The following CDCP2 variants were observed in gnomAD, a reference collection of about 807,000 sequenced individuals.
The protein encoded by CDCP2 is CUB domain containing protein 2.
Under a neutral mutation model 31.0 loss-of-function variants are expected in CDCP2, and 31 were observed. The ratio of observed to expected loss-of-function variants is 1.00; its 90% CI spans 0.75 to 1.35. The LOEUF (loss-of-function observed/expected upper bound fraction) is 1.35. Ranked by LOEUF, CDCP2 falls within the 40% of genes most tolerant of loss-of-function variation. CDCP2 has a pLI of 0.00. For synonymous variants in CDCP2, 206 were observed against 207.9 expected (o/e 0.99, Z 0.08); for missense variants, 443 against 482.6 (o/e 0.92, Z 0.77).
intron 4 of CDCP2, chr1:54,139,431 C>G (rs1186861061): frequency 3.8e-6 from 4 of 1,049,662 alleles, no homozygotes; most frequent in Non-Finnish European, 5.5e-6. Context: ...TGTCTATTTC[C>G]CCTGGATACA....
chr1:54,146,440 G>GAA (rs1429176025), intron 1 of CDCP2, among the ~76,000 whole-genome samples: 1 of 151,766 alleles, frequency 6.6e-6, no homozygotes, highest in African/African-American at 2.4e-5. Flanking sequence ...TTGGCCTCCC[G>GAA]AAGTGCTGGG....
intron 1 of CDCP2, among the ~76,000 whole-genome samples, chr1:54,150,955 G>C (rs1659573671): frequency 6.6e-6 from 1 of 152,316 alleles, no homozygotes; most frequent in East Asian, 1.9e-4. Flanking sequence ...AGTGGGCCAG[G>C]GGGAGTCAGG....
chr1:54,141,423 G>A (rs565290091), exon 3 of CDCP2: 14 of 1,603,918 alleles, frequency 8.7e-6, no homozygotes, highest in African/African-American at 2.7e-5. Flanking sequence ...TCAGGACGCC[G>A]CCACACACAT....
At chr1:54,134,673 G>A (rs1659226967) in intron 5 of CDCP2, among the ~76,000 whole-genome samples, 1 of 152,190 alleles carries the variant, frequency 6.6e-6, no homozygotes, top group African/African-American at 2.4e-5. Context: ...ACCCTTTTGG[G>A]GAAGGGTTGA....
chr1:54,137,648 C>T (rs1487386334), intron 4 of CDCP2: 1 of 64,840 alleles, frequency 1.5e-5, no homozygotes, highest in Non-Finnish European at 3.3e-5. Flanking sequence ...CTCAAAATGT[C>T]TGCTTTGGGT....
chr1:54,149,651 T>C (rs1398937878), intron 1 of CDCP2, among the ~76,000 whole-genome samples: 1 of 152,216 alleles, frequency 6.6e-6, no homozygotes, highest in Non-Finnish European at 1.5e-5. Context: ...GCTATATGCT[T>C]CTCCATAGAA....
chr1:54,148,921 T>C (rs370495568), intron 1 of CDCP2, among the ~76,000 whole-genome samples: 5 of 149,424 alleles, frequency 3.3e-5, no homozygotes, highest in East Asian at 3.9e-4. Flanking sequence ...CCAAATGCAA[T>C]GTATGGACCT....
chr1:54,148,266 C>T (rs897743897), intron 1 of CDCP2, among the ~76,000 whole-genome samples: 2 of 147,502 alleles, frequency 1.4e-5, no homozygotes, highest in Non-Finnish European at 3.0e-5. Flanking sequence ...AGCCAGGTGT[C>T]CTCAGCACTT....
chr1:54,151,114 G>T lies in CDCP2; in HGVS notation c.79+1730C>A, dbSNP rs9970100. On this transcript the variant is annotated intron_variant, in intron 1 of 5. Coordinates refer to ENST00000530059, the Ensembl canonical transcript of CDCP2. Reference sequence around the variant, plus strand: ...GGTGATATTTGAGTTTGTCTAGGAAGAATGAGAAGGTTTCTTCAGTTGGGG... The same window carrying T: ...GGTGATATTTGAGTTTGTCTAGGAATAATGAGAAGGTTTCTTCAGTTGGGG... Among the ~76,000 whole-genome samples the T allele has an allele frequency of 6.5e-3, 990 of 152,324 alleles. 9 individuals carry two copies. Among genetic ancestry groups the T allele is most frequent in the African/African-American group, 0.023 (945 of 41,560 alleles).
At chr1:54,149,477 T>C (rs1392239415) in intron 1 of CDCP2, among the ~76,000 whole-genome samples, 2 of 149,412 alleles carry the variant, frequency 1.3e-5, no homozygotes, top group Non-Finnish European at 2.9e-5. Context: ...TAGGGATTCA[T>C]TGTATGATTT....
At chr1:54,140,972 G>A (rs1659357819) in intron 3 of CDCP2, 126 bp downstream of exon 3, 1 of 747,424 alleles carries the variant, frequency 1.3e-6, no homozygotes, top group Admixed American at 3.4e-5. Flanking sequence ...GAGCATTCCA[G>A]GCAGAGAGAG....
At chr1:54,145,161 T>C (rs621833) in intron 1 of CDCP2, among the ~76,000 whole-genome samples, 112,995 of 152,026 alleles carry the variant, frequency 0.74, 43,129 homozygotes, top group Non-Finnish European at 0.85. Context: ...GGTGCAGTGG[T>C]TCATGCCTGT....
intron 4 of CDCP2, chr1:54,139,489 A>C: frequency 6.4e-7 from 1 of 1,567,514 alleles, no homozygotes; most frequent in Non-Finnish European, 8.7e-7. Flanking sequence ...GGGGGAAGGA[A>C]CCAGATGGGG....
chr1:54,140,233 T>C (rs1659342670), intron 3 of CDCP2, 127 bp from the exon 4 acceptor site: 2 of 757,464 alleles, frequency 2.6e-6, no homozygotes, highest in African/African-American at 1.7e-5. Flanking sequence ...GTGGGCACCA[T>C]GGCTAGCACA....
At chr1:54,139,272 AC>A in intron 4 of CDCP2, 1 of 503,012 alleles carries the variant, frequency 2.0e-6, no homozygotes, top group Non-Finnish European at 3.5e-6. Context: ...CTGGACCAAT[AC>A]AGCAGCTGCC....
chr1:54,141,067 G>A (rs1344658609), intron 3 of CDCP2, 31 bp downstream of exon 3: 1 of 1,501,210 alleles, frequency 6.7e-7, no homozygotes, highest in Non-Finnish European at 8.9e-7. Flanking sequence ...AGGCACAGGA[G>A]GATTCAGGGT....
Position 54,136,828 on chromosome 1 carries a change from G to A in CDCP2, c.1118-20C>T. Reference sequence around the variant, plus strand: ...GCACCACTGGGAATCGGAGGGAGGAGCTGGAAGCCTTAGGGTCAGGCGGTC... The same window carrying A: ...GCACCACTGGGAATCGGAGGGAGGAACTGGAAGCCTTAGGGTCAGGCGGTC... On this transcript the variant is annotated intron_variant, in intron 4 of 5. Coordinates refer to ENST00000530059, the Ensembl canonical transcript of CDCP2. 1 of 399,242 alleles carries A rather than the reference G, an allele frequency of 2.5e-6. No individual in the cohort carries two copies. Among genetic ancestry groups the A allele is most frequent in the Non-Finnish European group, 4.4e-6 (1 of 226,190 alleles). 24.7% of individuals were successfully genotyped at this position (399,242 alleles called of 1,614,324 possible).
chr1:54,139,271 T>C (rs1288674811), intron 4 of CDCP2: 13 of 503,164 alleles, frequency 2.6e-5, no homozygotes, highest in Non-Finnish European at 3.5e-5. Flanking sequence ...CCTGGACCAA[T>C]ACAGCAGCTG....
intron 1 of CDCP2, 68 bp from the exon 2 acceptor site, chr1:54,144,881 G>A: frequency 8.0e-7 from 1 of 1,248,056 alleles, no homozygotes; most frequent in Non-Finnish European, 1.1e-6. Context: ...TAAGGGCAGT[G>A]GGCCCAGCTA....
Sources: gnomAD v4.1 joint callset for allele counts (sites outside exome capture counted in the v4.1 genomes callset) on GRCh38, gnomAD v4.1.1 for gene constraint, MANE v1.5 for transcripts, NCBI Gene and HGNC (gene_info 2026-07-23, HGNC 2026-07-21) for gene names.